The following DAB2IP variants were observed in gnomAD, a reference collection of about 807,000 sequenced individuals.
DAB2IP encodes disabled homolog 2-interacting protein.
Under a neutral mutation model 107.2 loss-of-function variants are expected in DAB2IP, and 28 were observed. The ratio of observed to expected loss-of-function variants is 0.26; its 90% CI spans 0.19 to 0.36. DAB2IP has a LOEUF of 0.36. Ranked by LOEUF, DAB2IP falls within the 10% of genes least tolerant of loss-of-function variation. DAB2IP has a pLI of 1.00. For synonymous variants in DAB2IP, 755 were observed against 706.4 expected (o/e 1.07, Z -1.09); for missense variants, 1,400 against 1,644.7 (o/e 0.85, Z 2.57).
intron 1 of DAB2IP, among the ~76,000 whole-genome samples, chr9:121,595,850 A>G (rs1374030750): frequency 2.0e-5 from 3 of 152,228 alleles, no homozygotes; most frequent in Non-Finnish European, 4.4e-5. Context: ...ATAGCGGCTC[A>G]TGCCACCAGT....
chr9:121,766,468 G>A, intron 8 of DAB2IP, 26 bp from the exon 9 acceptor site: 1 of 1,592,472 alleles, frequency 6.3e-7, no homozygotes, highest in South Asian at 1.1e-5. Flanking sequence ...TGACAGCCAA[G>A]CCCACCTTTG....
At chr9:121,666,009 T>C (rs1257005836) in intron 1 of DAB2IP, among the ~76,000 whole-genome samples, 1 of 152,244 alleles carries the variant, frequency 6.6e-6, no homozygotes, top group Non-Finnish European at 1.5e-5. Context: ...GTTATTGTCT[T>C]ACAGTTCTGG....
chr9:121,629,103 G>T (rs1443796354), intron 1 of DAB2IP, among the ~76,000 whole-genome samples: 1 of 152,164 alleles, frequency 6.6e-6, no homozygotes, highest in Non-Finnish European at 1.5e-5. Flanking sequence ...GAACCCCCCA[G>T]ACTCAGTGAT....
intron 1 of DAB2IP, among the ~76,000 whole-genome samples, chr9:121,613,279 C>T (rs79716087): frequency 0.036 from 5,482 of 152,262 alleles, 343 homozygotes; most frequent in African/African-American, 0.12. Flanking sequence ...GCTTGGGACC[C>T]ACCTTACCCC....
chr9:121,699,237 G>C lies in DAB2IP; in HGVS notation c.229-88G>C. ...CCGCCCTCGGCCGCGCGGCCGCCCA[G>C]CAAGGGTGCGGGTCCCGCGCGGGTC... On this transcript the variant is annotated intron_variant, in intron 2 of 15. Coordinates refer to ENST00000408936, the Ensembl canonical transcript of DAB2IP. The surrounding 1 kb of genome is among the most constrained non-coding windows in gnomAD (Gnocchi z 6.2). 1.9e-6 allele frequency: 2 copies of C among 1,066,380 alleles called. No homozygotes were observed. Among genetic ancestry groups the C allele is most frequent in the Non-Finnish European group, 2.3e-6 (2 of 882,434 alleles). 66.1% of individuals were successfully genotyped at this position (1,066,380 alleles called of 1,614,324 possible). A position where few individuals can be genotyped will look rare whatever the true frequency, so the allele number is the denominator to read the frequency against.
chr9:121,773,421 A>T (rs780493088), exon 12 of DAB2IP: 2 of 1,564,098 alleles, frequency 1.3e-6, no homozygotes, highest in African/African-American at 2.7e-5. Context: ...GGGCCCCAGT[A>T]CCCGCCTGAG....
chr9:121,783,286 C>T (rs1835788526), exon 16 of DAB2IP: 1 of 1,388,922 alleles, frequency 7.2e-7, no homozygotes, highest in African/African-American at 1.5e-5. Context: ...CCCACACAGG[C>T]CCAGGCTGAT....
chr9:121,572,869 G>A (rs1352230769), intron 1 of DAB2IP, among the ~76,000 whole-genome samples: 2 of 152,108 alleles, frequency 1.3e-5, no homozygotes, highest in African/African-American at 2.4e-5. Context: ...GGAGCAGGCA[G>A]CTCAAAAGCT....
At chr9:121,763,246 C>G (rs56234616) in intron 6 of DAB2IP, among the ~76,000 whole-genome samples, 1,982 of 150,698 alleles carry the variant, frequency 0.013, 19 homozygotes, top group Non-Finnish European at 0.02. Context: ...GTGGCATGCT[C>G]TCATTCAGGC....
At chr9:121,761,631 A>T (rs1833898923) in intron 6 of DAB2IP, among the ~76,000 whole-genome samples, 1 of 151,106 alleles carries the variant, frequency 6.6e-6, no homozygotes, top group African/African-American at 2.4e-5. Context: ...TGGGGCGGGG[A>T]CCTCCTCCCC....
chr9:121,674,438 G>A (rs1833805104), intron 1 of DAB2IP, among the ~76,000 whole-genome samples: 1 of 152,178 alleles, frequency 6.6e-6, no homozygotes, highest in African/African-American at 2.4e-5. Flanking sequence ...TGGGCTGGGA[G>A]ACTGGAGAGG....
chr9:121,758,947 A>C (rs748045477), exon 5 of DAB2IP: 1 of 1,613,770 alleles, frequency 6.2e-7, no homozygotes, highest in Admixed American at 1.7e-5. Flanking sequence ...TCTGCAGCTG[A>C]GCGGGATAAG....
rs547177534 is a variant in DAB2IP at position 121,699,843 on chromosome 9, T to G, written c.362+385T>G. ...GCCGCCAGGACCCATCCCCCTGCCT[T>G]GGGAGCCCCTGGGTATCAGATACAA... On this transcript the variant is annotated intron_variant, in intron 3 of 15. Transcript: ENST00000408936. The surrounding 1 kb of genome is among the most constrained non-coding windows in gnomAD (Gnocchi z 6.2). Among the ~76,000 whole-genome samples the G allele has an allele frequency of 3.3e-5, 5 of 152,266 alleles. No individual in the cohort carries two copies. The South Asian group carries it at 1.0e-3, about 32-fold the overall frequency.
At chr9:121,687,935 C>T (rs1828968769) in intron 2 of DAB2IP, among the ~76,000 whole-genome samples, 1 of 152,146 alleles carries the variant, frequency 6.6e-6, no homozygotes. Context: ...GGTGCATTGT[C>T]CTGGGCCACA....
At chr9:121,706,417 A>C (rs549848139) in intron 3 of DAB2IP, among the ~76,000 whole-genome samples, 1 of 151,284 alleles carries the variant, frequency 6.6e-6, no homozygotes, top group East Asian at 1.9e-4. Context: ...CTCACAGCCA[A>C]CTCTCCACCA....
upstream of DAB2IP, among the ~76,000 whole-genome samples, chr9:121,647,968 G>A (rs752865438): frequency 6.6e-6 from 1 of 151,860 alleles, no homozygotes; most frequent in Non-Finnish European, 1.5e-5. Flanking sequence ...GATGGGAATT[G>A]GAGAATATTA....
At chr9:121,722,027 A>C (rs1238592919) in intron 3 of DAB2IP, among the ~76,000 whole-genome samples, 1 of 152,224 alleles carries the variant, frequency 6.6e-6, no homozygotes, top group Non-Finnish European at 1.5e-5. Flanking sequence ...TCCAGTCAGC[A>C]GCGTTTACCC....
At chr9:121,568,237 C>T (rs1336492744) in intron 1 of DAB2IP, among the ~76,000 whole-genome samples, 5 of 152,198 alleles carry the variant, frequency 3.3e-5, no homozygotes, top group African/African-American at 1.2e-4. Context: ...GCCAAATTTC[C>T]TTCCTCCTGC....
At chr9:121,655,864 C>G in intron 1 of DAB2IP, among the ~76,000 whole-genome samples, 1 of 152,058 alleles carries the variant, frequency 6.6e-6, no homozygotes, top group South Asian at 2.1e-4. Context: ...CTCCTCCGTG[C>G]CTGTACACAC....
Sources: allele counts gnomAD v4.1 joint callset (sites outside exome capture counted in the v4.1 genomes callset), GRCh38; gene constraint gnomAD v4.1.1; non-coding constraint Gnocchi (gnomAD v3.1); transcripts MANE v1.5; gene names NCBI Gene and HGNC (gene_info 2026-07-23, HGNC 2026-07-21).